The following NRXN1 variants were observed in gnomAD, a reference collection of about 807,000 sequenced individuals.
The protein encoded by NRXN1 is neurexin-1.
Under a neutral mutation model 150.9 loss-of-function variants are expected in NRXN1, and 39 were observed. The observed-to-expected ratio is 0.26, with a 90% CI of 0.20 to 0.34. NRXN1 has a LOEUF of 0.34. Among genes scored for constraint, NRXN1 ranks in the 10% least tolerant of loss-of-function variants. The pLI is 1.00. For missense variants in NRXN1, 1,815 were observed against 1,949.9 expected, an observed-to-expected ratio of 0.93 and a Z score of 1.30; for synonymous variants, 924 against 757.0, an observed-to-expected ratio of 1.22 and a Z score of -3.62.
At chr2:50,325,449 G>T (rs2076327014) in intron 17 of NRXN1, among the ~76,000 whole-genome samples, 1 of 152,178 alleles carries the variant, frequency 6.6e-6, no homozygotes, top group African/African-American at 2.4e-5. Flanking sequence ...ACTAAAATTT[G>T]CTGCTGCTCT....
chr2:50,173,319 A>G (rs919093118), intron 18 of NRXN1, among the ~76,000 whole-genome samples: 9 of 152,200 alleles, frequency 5.9e-5, no homozygotes, highest in Non-Finnish European at 1.0e-4. Context: ...GATCCAACTG[A>G]TTATTATTGT....
intron 18 of NRXN1, among the ~76,000 whole-genome samples, chr2:50,234,902 G>A (rs552295053): frequency 7.2e-5 from 11 of 152,074 alleles, no homozygotes; most frequent in Admixed American, 2.0e-4. Flanking sequence ...AATGGACGCC[G>A]AGAAAGTCAA....
chr2:50,006,141 T>C (rs559591112), intron 21 of NRXN1, among the ~76,000 whole-genome samples: 1 of 152,228 alleles, frequency 6.6e-6, no homozygotes, highest in South Asian at 2.1e-4. Context: ...GTATCTCTTC[T>C]CTCCATCCTC....
intron 21 of NRXN1, among the ~76,000 whole-genome samples, chr2:49,979,963 T>C (rs1679712694): frequency 1.3e-5 from 2 of 151,846 alleles, no homozygotes; most frequent in South Asian, 4.2e-4. Flanking sequence ...TCTGGTTGTT[T>C]ATCTAGGTAT....
intron 21 of NRXN1, among the ~76,000 whole-genome samples, chr2:49,980,448 G>A (rs887131497): frequency 2.6e-5 from 4 of 152,136 alleles, no homozygotes; most frequent in African/African-American, 9.6e-5. Flanking sequence ...TAAAAAAATA[G>A]AAAGGAAAGT....
chr2:50,471,270 G>C (rs2111065), intron 16 of NRXN1, among the ~76,000 whole-genome samples: 129,146 of 151,468 alleles, frequency 0.85, 55,277 homozygotes, highest in Non-Finnish European at 0.9. Flanking sequence ...ATTCCAGCTT[G>C]TGAGCCTCCA....
intron 18 of NRXN1, among the ~76,000 whole-genome samples, chr2:50,171,075 A>G (rs1163923190): frequency 6.6e-6 from 1 of 152,184 alleles, no homozygotes; most frequent in Non-Finnish European, 1.5e-5. Flanking sequence ...GTGGAAATTA[A>G]TCATCATAAC....
At chr2:50,407,206 T>C (rs2082809724) in intron 17 of NRXN1, among the ~76,000 whole-genome samples, 1 of 152,220 alleles carries the variant, frequency 6.6e-6, no homozygotes, top group South Asian at 2.1e-4. Flanking sequence ...CCCACATCTC[T>C]ATAACATTAA....
At chr2:50,130,517 AG>A (rs1384552978) in intron 18 of NRXN1, among the ~76,000 whole-genome samples, 1 of 152,164 alleles carries the variant, frequency 6.6e-6, no homozygotes, top group African/African-American at 2.4e-5. Flanking sequence ...GAAATTAAGG[AG>A]GTATCTTCTA....
At chr2:49,961,548 T>C (rs1338380043) in intron 21 of NRXN1, among the ~76,000 whole-genome samples, 3 of 151,964 alleles carry the variant, frequency 2.0e-5, no homozygotes, top group Non-Finnish European at 4.4e-5. Flanking sequence ...AACACAACAA[T>C]CAGCAGTTTC....
intron 2 of NRXN1, among the ~76,000 whole-genome samples, chr2:50,980,745 A>G (rs1425993087): frequency 6.6e-6 from 1 of 152,168 alleles, no homozygotes; most frequent in Non-Finnish European, 1.5e-5. Context: ...AAGTTGCCAT[A>G]TGATAAAGTG....
At chr2:50,802,128 A>C (rs571821646) in intron 5 of NRXN1, among the ~76,000 whole-genome samples, 1 of 152,270 alleles carries the variant, frequency 6.6e-6, no homozygotes, top group Admixed American at 6.6e-5. Context: ...TTATAGGTTT[A>C]ATGGTGTGGC....
intron 5 of NRXN1, among the ~76,000 whole-genome samples, chr2:50,886,953 C>T (rs1304557491): frequency 2.0e-5 from 3 of 151,286 alleles, no homozygotes; most frequent in Non-Finnish European, 1.5e-5. Flanking sequence ...AGAAAAAGAA[C>T]TAGTCAGTTA....
At chr2:50,208,840 C>T (rs886862911) in intron 18 of NRXN1, among the ~76,000 whole-genome samples, 23 of 152,108 alleles carry the variant, frequency 1.5e-4, no homozygotes, top group African/African-American at 5.1e-4. Flanking sequence ...TGCGTTAACA[C>T]ATTTGATGTT....
At chr2:50,210,688 G>A (rs1181410142) in intron 18 of NRXN1, among the ~76,000 whole-genome samples, 5 of 151,458 alleles carry the variant, frequency 3.3e-5, no homozygotes, top group Non-Finnish European at 5.9e-5. Flanking sequence ...TTTCATTGTT[G>A]TTTTGACTAT....
In NRXN1 at chr2:50,922,267, A is replaced by T. The variant is rs143298228; in HGVS notation, c.821-387T>A. On this transcript the variant is annotated intron_variant, in intron 4 of 22. Coordinates refer to ENST00000401669, the MANE Select transcript of NRXN1 (RefSeq NM_001330078.2). ...ACTGTCATGCATGGATGAAAAATGG[A>T]CTTATTTTTTGGATACAGTGGTTTA... Among the ~76,000 whole-genome samples, 405 of 151,888 alleles carry T rather than the reference A, an allele frequency of 2.7e-3. 1 individual carries two copies. The highest frequency in any genetic ancestry group is 9.4e-3 in the African/African-American group (390 of 41,488).
At chr2:50,839,920 A>G (rs1290336247) in intron 5 of NRXN1, among the ~76,000 whole-genome samples, 1 of 152,278 alleles carries the variant, frequency 6.6e-6, no homozygotes, top group South Asian at 2.1e-4. Context: ...TAGAATTTCA[A>G]CTTGACATTT....
intron 18 of NRXN1, among the ~76,000 whole-genome samples, chr2:50,139,747 T>C (rs1706992032): frequency 6.6e-6 from 1 of 152,200 alleles, no homozygotes; most frequent in Admixed American, 6.6e-5. Flanking sequence ...CTTACTCGAC[T>C]AGTCACATAG....
rs867466484 is a variant in NRXN1, at chr2:50,872,726, G to A, written c.832+49143C>T. 5.3e-5 allele frequency among the ~76,000 whole-genome samples: 8 copies of A among 151,664 alleles called. No homozygotes were observed. In the South Asian group the frequency reaches 1.2e-3, roughly 24 times the overall value. On this transcript the variant is annotated intron_variant, in intron 5 of 22. Transcript: ENST00000401669. ...CCAGCACTTTGGGAGGCAAAGGTGCGAGGACCACTTGTGGCCAGAAGTTTA... is the reference window on the plus strand; with the variant it reads ...CCAGCACTTTGGGAGGCAAAGGTGCAAGGACCACTTGTGGCCAGAAGTTTA...
Sources: gnomAD v4.1 joint callset for allele counts (sites outside exome capture counted in the v4.1 genomes callset) on GRCh38, gnomAD v4.1.1 for gene constraint, MANE v1.5 for transcripts, NCBI Gene and HGNC (gene_info 2026-07-23, HGNC 2026-07-21) for gene names.